The following SLC6A13 variants were observed in gnomAD, a reference collection of about 807,000 sequenced individuals.
SLC6A13 encodes sodium- and chloride-dependent GABA transporter 2.
A neutral mutation model predicts 72.9 loss-of-function variants in SLC6A13; 69 were observed. The ratio of observed to expected loss-of-function variants is 0.95; its 90% CI spans 0.78 to 1.16. The LOEUF (loss-of-function observed/expected upper bound fraction) is 1.16. SLC6A13 is among the 50% of genes most tolerant of loss of function. The pLI is 0.00. For missense variants in SLC6A13, 735 were observed against 760.5 expected (o/e 0.97, Z 0.39); for synonymous variants, 303 against 303.0 (o/e 1.00, Z 0.00).
chr12:228,054 G>A (rs1290677807), intron 7 of SLC6A13, among the ~76,000 whole-genome samples: 2 of 152,072 alleles, frequency 1.3e-5, no homozygotes, highest in Non-Finnish European at 2.9e-5. Flanking sequence ...CAGGCACAGG[G>A]TCTCCAGGAA....
At position 223,181 on chromosome 12, in the gene SLC6A13, G is replaced by T; in HGVS notation, c.1365C>A (p.Cys455Ter). The T allele has an allele frequency of 6.2e-7, 1 of 1,613,860 alleles. No homozygotes were observed. The highest frequency in any genetic ancestry group is 8.5e-7 in the Non-Finnish European group (1 of 1,179,764). ...ACTCGAAGATGGCCACGAACAGGAG[G>T]CACATGCCACTGGCCGCATAGTAGT... ...LFDYYAASGM[C>*]LLFVAIFESL... The change falls in exon 12 of 15, where the codon TGC becomes TGA. Residue 455 changes from cysteine to a stop codon, truncating the protein, a stop_gained. Coordinates refer to ENST00000343164, the MANE Select transcript of SLC6A13 (RefSeq NM_016615.5). LOFTEE classifies it high-confidence loss of function.
In SLC6A13 at chr12:242,762, G is replaced by T; in HGVS notation, c.338-8C>A. The T allele has an allele frequency of 6.4e-7, 1 of 1,572,046 alleles. No homozygotes were observed. Among genetic ancestry groups the T allele is most frequent in the Non-Finnish European group, 8.6e-7 (1 of 1,157,916 alleles). On this transcript the variant is annotated splice_region_variant and splice_polypyrimidine_tract_variant and intron_variant, in intron 3 of 14. Coordinates refer to ENST00000343164, the MANE Select transcript of SLC6A13 (RefSeq NM_016615.5). ...GGGAGGCATAGCCAATGCCTGCGGG[G>T]AAACTGCAGAATTGGGCTAGGAACG...
chr12:256,018 A>G (rs1199409441), intron 2 of SLC6A13, among the ~76,000 whole-genome samples: 2 of 152,070 alleles, frequency 1.3e-5, no homozygotes, highest in East Asian at 3.9e-4. Context: ...CTTTGCTCAC[A>G]TGCTCTCAAT....
chr12:253,431 C>T (rs1227769870), intron 2 of SLC6A13: 1 of 152,270 alleles, frequency 6.6e-6, no homozygotes, highest in Non-Finnish European at 1.5e-5. Context: ...TTTATATGAA[C>T]ACACGAACAG....
At chr12:251,735 TTGAGCC>T (rs2137312111) in intron 2 of SLC6A13, among the ~76,000 whole-genome samples, 1 of 152,262 alleles carries the variant, frequency 6.6e-6, no homozygotes, top group African/African-American at 2.4e-5. Context: ...GGAGGATCGC[TTGAGCC>T]CAGGAGTTTG....
rs1187877781 is a variant in SLC6A13 at position 259,902 on chromosome 12, C to G, written c.151G>C (p.Gly51Arg). ...GGAAACCTCCAGACGTTGCCTAAGC[C>G]AATGATCTCCCCAGCCACTGACAGC... is the stretch of plus-strand genomic sequence containing the variant. Reference protein sequence around the residue: ...FVLSVAGEIIGLGNVWRFPYL... With the variant: ...FVLSVAGEIIRLGNVWRFPYL... Residue 51 changes from glycine to arginine, a missense_variant, in exon 2 of 15, where the codon GGC becomes CGC. By Grantham distance (125) the Gly-to-Arg change is moderately radical. Coordinates refer to ENST00000343164, the MANE Select transcript of SLC6A13 (RefSeq NM_016615.5). 1 of 1,614,090 alleles carries G rather than the reference C, an allele frequency of 6.2e-7. No homozygotes were observed. The highest frequency in any genetic ancestry group is 1.3e-5 in the African/African-American group (1 of 74,922).
intron 7 of SLC6A13, among the ~76,000 whole-genome samples, 169 bp downstream of exon 7, chr12:234,921 C>G (rs571578578): frequency 9.8e-4 from 150 of 152,318 alleles, no homozygotes; most frequent in African/African-American, 3.5e-3. Context: ...GATTGAGACC[C>G]CTTTCCGGCA....
chr12:238,459 A>G (rs770948890), intron 4 of SLC6A13: 2 of 554,090 alleles, frequency 3.6e-6, no homozygotes, highest in Non-Finnish European at 3.1e-6. Context: ...TGGGTAAGTT[A>G]TAACTCAGCT....
In SLC6A13 at chr12:254,073, C is replaced by T. The variant is rs1351285665; in HGVS notation, c.202+5778G>A. 1.3e-5 allele frequency among the ~76,000 whole-genome samples: 2 copies of T among 152,228 alleles called. No homozygotes were observed. Among genetic ancestry groups the T allele is most frequent in the African/African-American group, 2.4e-5 (1 of 41,458 alleles). ...CCTCCTGCGTTATCCAGCATCTCCT[C>T]GTCCCATGACTGGAACTTTAACTGG... On this transcript the variant is annotated intron_variant, in intron 2 of 14. Coordinates refer to ENST00000343164, the MANE Select transcript of SLC6A13 (RefSeq NM_016615.5). This position sits in a 1 kb window ranked among gnomAD's most constrained non-coding sequence, Gnocchi z 4.4.
At chr12:252,706 G>A (rs1942594795) in intron 2 of SLC6A13, among the ~76,000 whole-genome samples, 1 of 152,244 alleles carries the variant, frequency 6.6e-6, no homozygotes, top group African/African-American at 2.4e-5. Context: ...GCAGCTGACA[G>A]GAACAGTCAC....
In SLC6A13 at chr12:243,788, G is replaced by A. The variant is rs1379784850; in HGVS notation, c.228C>T (p.Val76=). ...CAGGAATGCCACAGGTAAAGAGGAA[G>A]ACGAGGTAGGGGATGAAGAAGGCAC... ...GGGAFFIPYL[V]FLFTCGIPVF... The change falls in exon 3 of 15, where the codon GTC becomes GTT. Residue 76 remains valine (V), a synonymous_variant. Transcript: ENST00000343164. 3 of 1,614,072 alleles carry A rather than the reference G, an allele frequency of 1.9e-6. No homozygotes were observed. The African/African-American group carries it at 4.0e-5, about 22-fold the overall frequency.
chr12:221,139 C>T, intron 14 of SLC6A13, 69 bp from the exon 15 acceptor site: 1 of 1,521,378 alleles, frequency 6.6e-7, no homozygotes, highest in South Asian at 1.3e-5. Flanking sequence ...CCCTCATCAC[C>T]AACATCTGCT....
chr12:242,589 G>A (rs761172377), intron 4 of SLC6A13, 25 bp downstream of exon 4: 3 of 1,606,096 alleles, frequency 1.9e-6, no homozygotes, highest in South Asian at 2.2e-5. Context: ...AGAGGAGGAA[G>A]TGGACCCTTG....
chr12:226,245 C>T lies in SLC6A13; in HGVS notation c.1060+145G>A, dbSNP rs567943852. Reference sequence around the variant, plus strand: ...AGCTGGAATGACTGTTTCAATTCTCCGCCAAGTCTTCCCAGAACGCATCCA... The same window carrying T: ...AGCTGGAATGACTGTTTCAATTCTCTGCCAAGTCTTCCCAGAACGCATCCA... On this transcript the variant is annotated intron_variant, in intron 9 of 14. Coordinates refer to ENST00000343164, the MANE Select transcript of SLC6A13 (RefSeq NM_016615.5). The T allele has an allele frequency of 1.2e-4, 113 of 947,440 alleles. No homozygotes were observed. In the East Asian group the frequency reaches 2.4e-3, roughly 20 times the overall value. 58.7% of individuals were successfully genotyped at this position (947,440 alleles called of 1,614,324 possible).
rs149831603 is a variant in SLC6A13, at chr12:226,484, G to C, written c.966C>G (p.Ser322Arg). Residue 322 changes from serine (S) to arginine (R), a missense_variant, in exon 9 of 15, where the codon AGC becomes AGG. By Grantham distance (110) the Ser-to-Arg change is moderately radical (BLOSUM62 -1). Transcript: ENST00000343164. The stretch of plus-strand genomic sequence containing the variant: ...CAAAGCCGGCCACAAAGCTGGTGCC[G>C]CTGTTGAGGAAGCAGAGGGCGATGC... ...RDCIALCFLN[S>R]GTSFVAGFAI... is the part of the protein sequence containing the mutation. 1 of 1,613,940 alleles carries C rather than the reference G, an allele frequency of 6.2e-7. No individual in the cohort carries two copies. The highest frequency in any genetic ancestry group is 2.2e-5 in the East Asian group (1 of 44,874).
At position 238,343 on chromosome 12, in the gene SLC6A13, C is replaced by A. The variant is rs1223637696; in HGVS notation, c.479-333G>T. 6 of 1,329,204 alleles carry A rather than the reference C, an allele frequency of 4.5e-6. No individual in the cohort carries two copies. In the African/African-American group the frequency reaches 8.9e-5, roughly 20 times the overall value. The allele number at this position is 1,329,204 out of a possible 1,614,324, so 82.3% of individuals were successfully genotyped here. ...GTAAGCGTCCTGTGCAAAGTCACCACCTTCGAGGAATAATAAGAGGGAAGT... is the reference window on the plus strand; with the variant it reads ...GTAAGCGTCCTGTGCAAAGTCACCAACTTCGAGGAATAATAAGAGGGAAGT... On this transcript the variant is annotated intron_variant, in intron 4 of 14. Transcript: ENST00000343164.
chr12:227,447 G>A (rs922118909), intron 8 of SLC6A13, 118 bp downstream of exon 8: 23 of 1,525,982 alleles, frequency 1.5e-5, no homozygotes, highest in African/African-American at 5.5e-5. Context: ...ATATGGGGGT[G>A]TAGACAGGGG....
chr12:254,384 T>G lies in SLC6A13; in HGVS notation c.202+5467A>C, dbSNP rs1292444483. On this transcript the variant is annotated intron_variant, in intron 2 of 14. Transcript: ENST00000343164. The surrounding 1 kb of genome is among the most constrained non-coding windows in gnomAD (Gnocchi z 4.4). ...CAATTCCTTTCTCCCATCTCCCCCATTATCTTAAATCCATTTCAATCAGTC... is the reference window on the plus strand; with the variant it reads ...CAATTCCTTTCTCCCATCTCCCCCAGTATCTTAAATCCATTTCAATCAGTC... 6.6e-6 allele frequency among the ~76,000 whole-genome samples: 1 copy of G among 152,160 alleles called. No homozygotes were observed. Among genetic ancestry groups the G allele is most frequent in the East Asian group, 1.9e-4 (1 of 5,196 alleles).
Position 242,709 on chromosome 12 carries a change from T to C in SLC6A13, c.383A>G (p.Tyr128Cys), listed in dbSNP as rs140692087. 2.2e-5 allele frequency: 35 copies of C among 1,606,188 alleles called. No individual in the cohort carries two copies. Among genetic ancestry groups the C allele is most frequent in the Middle Eastern group, 1.7e-4 (1 of 6,052 alleles). Residue 128 changes from tyrosine to cysteine, a missense_variant, in exon 4 of 15, where the codon TAC becomes TGC. Tyr to Cys is a radical substitution (Grantham distance 194, BLOSUM62 -2). Coordinates refer to ENST00000343164, the MANE Select transcript of SLC6A13 (RefSeq NM_016615.5). ...GGCCCAGGCCAACACAATGATGTAG[T>C]AGACGTTGAGGAGGATGACGATCAT... is the stretch of plus-strand genomic sequence containing the variant. ...SQMIVILLNV[Y>C]YIIVLAWALF...
Sources: gnomAD v4.1 joint callset for allele counts (sites outside exome capture counted in the v4.1 genomes callset) on GRCh38, gnomAD v4.1.1 for gene constraint, Gnocchi (gnomAD v3.1) non-coding constraint, MANE v1.5 for transcripts, NCBI Gene and HGNC (gene_info 2026-07-23, HGNC 2026-07-21) for gene names.